Variants in TASP1 observed in about 807,000 individuals in gnomAD.
TASP1 encodes the protein threonine aspartase 1.
In TASP1, 16 loss-of-function variants were observed where a neutral mutation model predicts 56.6. That is an observed-to-expected ratio of 0.28 (90% CI 0.19 to 0.43). The LOEUF is 0.43. Ranked by LOEUF, TASP1 falls within the 20% of genes least tolerant of loss-of-function variation. The probability of loss-of-function intolerance (pLI) is 1.00; values close to 1 mark genes in which losing one functional copy is unlikely to be tolerated. For missense variants in TASP1, 393 were observed against 511.6 expected (o/e 0.77, Z 2.24); for synonymous variants, 179 against 184.2 (o/e 0.97, Z 0.23).
At chr20:13,488,413 T>C (rs567047166) in intron 10 of TASP1, among the ~76,000 whole-genome samples, 3 of 152,240 alleles carry the variant, frequency 2.0e-5, no homozygotes, top group Admixed American at 1.3e-4. Flanking sequence ...ATCTTAAAGA[T>C]GCTATGGCAA....
chr20:13,604,852 T>C (rs2048088902), intron 4 of TASP1, among the ~76,000 whole-genome samples: 1 of 152,088 alleles, frequency 6.6e-6, no homozygotes, highest in Admixed American at 6.6e-5. Flanking sequence ...AATGGCAAAT[T>C]GTTTAGCAGT....
the TASP1 span, among the ~76,000 whole-genome samples, chr20:13,327,694 C>G: frequency 5.3e-5 from 8 of 152,278 alleles, no homozygotes; most frequent in Middle Eastern, 3.4e-3. Flanking sequence ...TTGACAAAAA[C>G]AAGCAATGGG....
chr20:13,141,990 T>G, the TASP1 span, among the ~76,000 whole-genome samples: 1 of 152,206 alleles, frequency 6.6e-6, no homozygotes, highest in African/African-American at 2.4e-5. Flanking sequence ...GTCCAATAAA[T>G]GCAAAATTAG....
At chr20:13,528,383 T>C in intron 10 of TASP1, 50 bp downstream of exon 10, 1 of 1,517,218 alleles carries the variant, frequency 6.6e-7, no homozygotes, top group Non-Finnish European at 9.1e-7. Context: ...AATCATTAAA[T>C]GATTGACAAG....
chr20:13,110,226 A>G, the TASP1 span: 2 of 1,609,914 alleles, frequency 1.2e-6, no homozygotes, highest in African/African-American at 2.7e-5. Context: ...AGGTATGTAA[A>G]TAACAGGACA....
At chr20:13,501,729 A>T (rs2043955032) in intron 10 of TASP1, among the ~76,000 whole-genome samples, 1 of 151,982 alleles carries the variant, frequency 6.6e-6, no homozygotes, top group South Asian at 2.1e-4. Flanking sequence ...ATCAATCTAG[A>T]ATAATCTTTT....
chr20:13,524,194 T>A (rs1056397582), intron 10 of TASP1, among the ~76,000 whole-genome samples: 25 of 152,052 alleles, frequency 1.6e-4, no homozygotes, highest in African/African-American at 6.0e-4. Context: ...TATAGACAAG[T>A]AACGGAAAAG....
Position 13,503,972 on chromosome 20 carries a change from G to A in TASP1, c.875-20635C>T, listed in dbSNP as rs117902516. Among the ~76,000 whole-genome samples the A allele has an allele frequency of 3.3e-3, 494 of 150,612 alleles. 2 individuals carry two copies. The highest frequency in any genetic ancestry group is 0.012 in the East Asian group (60 of 5,158). On this transcript the variant is annotated intron_variant, in intron 10 of 13. Transcript: ENST00000337743. ...AGAAATAAAGCCTACAGGATTTATG[G>A]AGTACCATCTAGCATTATGGAAGTT...
the TASP1 span, among the ~76,000 whole-genome samples, chr20:13,202,699 A>G: frequency 1.3e-5 from 2 of 152,326 alleles, no homozygotes; most frequent in East Asian, 3.9e-4. Flanking sequence ...CGTGTAGTCA[A>G]AGAGGATTTA....
Position 13,620,454 on chromosome 20 carries a change from A to T in TASP1, c.282+2992T>A, listed in dbSNP as rs1407145425. 4.6e-5 allele frequency among the ~76,000 whole-genome samples: 7 copies of T among 152,200 alleles called. No homozygotes were observed. The South Asian group carries it at 6.2e-4, about 13-fold the overall frequency. ...TTTCTAGGCAATAAAGACCATTAGA[A>T]CATTTCAGTCATTTCAATCCACAAT... is the stretch of plus-strand genomic sequence containing the variant. On this transcript the variant is annotated intron_variant, in intron 4 of 13. Coordinates refer to ENST00000337743, the MANE Select transcript of TASP1 (RefSeq NM_017714.3).
At chr20:13,174,513 C>T in the TASP1 span, among the ~76,000 whole-genome samples, 6 of 152,012 alleles carry the variant, frequency 3.9e-5, no homozygotes, top group South Asian at 4.2e-4. Flanking sequence ...GCCTGGGCAA[C>T]GTGGTAAAAC....
intron 4 of TASP1, among the ~76,000 whole-genome samples, chr20:13,606,052 T>G (rs2048137107): frequency 6.6e-6 from 1 of 152,152 alleles, no homozygotes; most frequent in Non-Finnish European, 1.5e-5. Context: ...TATTATTCAT[T>G]CATTCCTTTG....
chr20:13,265,989 C>T, the TASP1 span, among the ~76,000 whole-genome samples: 1 of 152,290 alleles, frequency 6.6e-6, no homozygotes, highest in Non-Finnish European at 1.5e-5. Context: ...TCACGTCAAG[C>T]CTTGTTTCCT....
the TASP1 span, among the ~76,000 whole-genome samples, chr20:13,185,886 A>G: frequency 6.6e-6 from 1 of 152,202 alleles, no homozygotes; most frequent in Admixed American, 6.5e-5. Context: ...CCTTATAGCA[A>G]GAAATGTCTG....
rs779893847 is a variant in TASP1 at position 13,492,956 on chromosome 20, T to C, written c.875-9619A>G. On this transcript the variant is annotated intron_variant, in intron 10 of 13. Coordinates refer to ENST00000337743, the MANE Select transcript of TASP1 (RefSeq NM_017714.3). ...GATATCTAGAGCACGGTGCTAGACA[T>C]ATAGTACATATACTAAGTGCTTTAT... 2.6e-5 allele frequency among the ~76,000 whole-genome samples: 4 copies of C among 152,180 alleles called. 1 individual carries two copies. The highest frequency in any genetic ancestry group is 9.7e-5 in the African/African-American group (4 of 41,450).
At chr20:13,224,386 G>A in the TASP1 span, among the ~76,000 whole-genome samples, 9 of 152,114 alleles carry the variant, frequency 5.9e-5, no homozygotes, top group South Asian at 2.1e-4. Flanking sequence ...TTAGTCCATC[G>A]TTTTCAGGCC....
At chr20:13,465,684 A>C (rs958110946) in intron 11 of TASP1, among the ~76,000 whole-genome samples, 1 of 152,150 alleles carries the variant, frequency 6.6e-6, no homozygotes, top group Non-Finnish European at 1.5e-5. Flanking sequence ...ATACACACCA[A>C]AACATGGATG....
At chr20:13,527,151 A>G (rs1282078920) in intron 10 of TASP1, among the ~76,000 whole-genome samples, 1 of 152,124 alleles carries the variant, frequency 6.6e-6, no homozygotes, top group Non-Finnish European at 1.5e-5. Flanking sequence ...GAATCTATGA[A>G]GAAGGCCAAG....
intron 10 of TASP1, among the ~76,000 whole-genome samples, chr20:13,497,932 T>G (rs1202536823): frequency 6.6e-6 from 1 of 152,150 alleles, no homozygotes; most frequent in Non-Finnish European, 1.5e-5. Flanking sequence ...TGGTTAGCCA[T>G]ACACAGAAGA....
Sources: allele counts gnomAD v4.1 joint callset (sites outside exome capture counted in the v4.1 genomes callset), GRCh38; gene constraint gnomAD v4.1.1; transcripts MANE v1.5; gene names NCBI Gene and HGNC (gene_info 2026-07-23, HGNC 2026-07-21).